The following VPS50 variants were observed in gnomAD, a reference collection of about 807,000 sequenced individuals.
The protein encoded by VPS50 is VPS50 subunit of EARP/GARPII complex.
VPS50 carries 70 observed loss-of-function variants against 139.7 expected under a neutral mutation model. The observed-to-expected ratio is 0.50, with a 90% CI of 0.41 to 0.61. The LOEUF (loss-of-function observed/expected upper bound fraction) is 0.61, where lower values mean the gene tolerates loss of function less well. VPS50 is among the 20% of genes least tolerant of loss of function. VPS50 has a pLI of 0.00. For synonymous variants in VPS50, 365 were observed against 376.7 expected (o/e 0.97, Z 0.36); for missense variants, 921 against 1,133.7 (o/e 0.81, Z 2.69).
At chr7:93,316,854 T>C (rs1220344463) in intron 20 of VPS50, among the ~76,000 whole-genome samples, 2 of 152,242 alleles carry the variant, frequency 1.3e-5, no homozygotes, top group East Asian at 3.8e-4. Context: ...TGATTTTCTA[T>C]GAACTCAAAA....
chr7:93,263,706 T>C (rs1359086837), intron 9 of VPS50, among the ~76,000 whole-genome samples: 2 of 152,188 alleles, frequency 1.3e-5, no homozygotes, highest in Non-Finnish European at 2.9e-5. Context: ...CATAAAGAAA[T>C]ACTGACTCTA....
intron 22 of VPS50, among the ~76,000 whole-genome samples, chr7:93,336,050 T>C (rs963468787): frequency 6.6e-6 from 1 of 152,236 alleles, no homozygotes; most frequent in Non-Finnish European, 1.5e-5. Context: ...ACTTCATTAA[T>C]TTGCATTTAC....
intron 20 of VPS50, among the ~76,000 whole-genome samples, chr7:93,314,618 T>G (rs1409399266): frequency 6.6e-6 from 1 of 152,162 alleles, no homozygotes; most frequent in Non-Finnish European, 1.5e-5. Context: ...ATTACCGAAG[T>G]CCATGCTTGT....
chr7:93,293,139 A>T (rs1215270421), intron 13 of VPS50, among the ~76,000 whole-genome samples: 1 of 152,162 alleles, frequency 6.6e-6, no homozygotes, highest in Non-Finnish European at 1.5e-5. Context: ...GTTGTTGTAA[A>T]GTTTGGACAG....
At chr7:93,328,321 C>A (rs1797841753) in intron 21 of VPS50, among the ~76,000 whole-genome samples, 1 of 152,134 alleles carries the variant, frequency 6.6e-6, no homozygotes. Context: ...TAATTATTTG[C>A]CATCCCAGTA....
intron 23 of VPS50, among the ~76,000 whole-genome samples, chr7:93,345,264 C>T (rs1464858054): frequency 6.6e-6 from 1 of 152,126 alleles, no homozygotes; most frequent in Non-Finnish European, 1.5e-5. Context: ...ATACACTCTC[C>T]CAAGACTAAA....
At chr7:93,271,679 A>T (rs1479594689) in intron 10 of VPS50, among the ~76,000 whole-genome samples, 1 of 151,782 alleles carries the variant, frequency 6.6e-6, no homozygotes, top group Non-Finnish European at 1.5e-5. Flanking sequence ...AATGATACTC[A>T]CATAGTTCAT....
At chr7:93,307,520 T>G (rs1797151174) in intron 18 of VPS50, among the ~76,000 whole-genome samples, 1 of 151,902 alleles carries the variant, frequency 6.6e-6, no homozygotes, top group South Asian at 2.1e-4. Context: ...GCATGTTGGA[T>G]GACTCAAAGT....
rs780743278 is a variant in VPS50 at position 93,360,315 on chromosome 7, A to T, written c.*1879A>T. ...TACTTATCTTGTTAGAGACTCGACC[A>T]TGCAATCTGACAGACCTTTTAACCT... On this transcript the variant is annotated 3_prime_UTR_variant, in exon 28 of 28. Coordinates refer to ENST00000305866, the MANE Select transcript of VPS50 (RefSeq NM_017667.4). The T allele has an allele frequency of 6.6e-6, 1 of 152,016 alleles. No individual in the cohort carries two copies. Among genetic ancestry groups the T allele is most frequent in the Non-Finnish European group, 1.5e-5 (1 of 67,996 alleles). The allele number at this position is 152,016 out of a possible 1,614,324, so 9.4% of individuals were successfully genotyped here. A position where few individuals can be genotyped will look rare whatever the true frequency, so the allele number is the denominator to read the frequency against.
chr7:93,352,041 TATTGCCCC>T (rs1287154028), intron 25 of VPS50, among the ~76,000 whole-genome samples: 1 of 152,204 alleles, frequency 6.6e-6, no homozygotes, highest in African/African-American at 2.4e-5. Flanking sequence ...AATCTGCTTA[TATTGCCCC>T]AAAAGAATCA....
At chr7:93,271,551 C>A (rs1311303696) in intron 10 of VPS50, among the ~76,000 whole-genome samples, 2 of 151,540 alleles carry the variant, frequency 1.3e-5, no homozygotes, top group African/African-American at 4.8e-5. Context: ...AGCCAAAATA[C>A]TTTCTATGTA....
chr7:93,308,994 C>G (rs750381495), intron 19 of VPS50, 52 bp downstream of exon 19: 1 of 936,100 alleles, frequency 1.1e-6, no homozygotes, highest in East Asian at 2.5e-5. Context: ...GTGCTCTTAA[C>G]ATATAGGATT....
intron 5 of VPS50, 21 bp from the exon 6 acceptor site, chr7:93,257,373 C>T: frequency 6.9e-7 from 1 of 1,439,948 alleles, no homozygotes; most frequent in Non-Finnish European, 9.8e-7. Context: ...CAACAATAAC[C>T]TGTACCTAAT....
intron 21 of VPS50, among the ~76,000 whole-genome samples, chr7:93,328,887 A>G (rs905488446): frequency 2.6e-5 from 4 of 152,306 alleles, no homozygotes; most frequent in African/African-American, 9.6e-5. Flanking sequence ...TCCATGATCC[A>G]TGATTATATG....
At position 93,350,046 on chromosome 7, in the gene VPS50, G is replaced by C; in HGVS notation, c.2463+13G>C. 2 of 1,599,464 alleles carry C rather than the reference G, an allele frequency of 1.3e-6. No homozygotes were observed. The highest frequency in any genetic ancestry group is 1.7e-6 in the Non-Finnish European group (2 of 1,169,734). On this transcript the variant is annotated intron_variant, in intron 25 of 27. Transcript: ENST00000305866. ...TGCACTATTAAAGGCAAGTGTTCTG[G>C]GAAGCACCTGTGCTAAAGATCAATC... is the stretch of plus-strand genomic sequence containing the variant.
intron 25 of VPS50, among the ~76,000 whole-genome samples, chr7:93,351,292 G>A (rs753926634): frequency 1.3e-5 from 2 of 151,990 alleles, no homozygotes; most frequent in Non-Finnish European, 1.5e-5. Flanking sequence ...AGAGCACCCA[G>A]GAGATTTCAA....
chr7:93,343,017 A>G (rs1262078896), intron 23 of VPS50, among the ~76,000 whole-genome samples: 1 of 152,254 alleles, frequency 6.6e-6, no homozygotes, highest in Non-Finnish European at 1.5e-5. Context: ...AGAAGGCTTC[A>G]GATGATCAAA....
At chr7:93,257,486 T>C (rs1261904419) in intron 6 of VPS50, 22 bp downstream of exon 6, 9 of 1,437,530 alleles carry the variant, frequency 6.3e-6, no homozygotes, top group Admixed American at 3.6e-5. Flanking sequence ...GATGATATTT[T>C]GTTCTTTAAG....
At chr7:93,323,784 A>G (rs1453927420) in intron 21 of VPS50, 52 bp downstream of exon 21, 1 of 1,018,400 alleles carries the variant, frequency 9.8e-7, no homozygotes, top group East Asian at 3.3e-5. Flanking sequence ...TTTATTTTAT[A>G]AATGTCAAAG....
Sources: gnomAD v4.1 joint callset for allele counts (sites outside exome capture counted in the v4.1 genomes callset) on GRCh38, gnomAD v4.1.1 for gene constraint, MANE v1.5 for transcripts, NCBI Gene and HGNC (gene_info 2026-07-23, HGNC 2026-07-21) for gene names.